The following ABCA1 variants were observed in gnomAD, a reference collection of about 807,000 sequenced individuals.
ABCA1 encodes the protein ATP binding cassette subfamily A member 1.
Under a neutral mutation model 262.5 loss-of-function variants are expected in ABCA1, and 133 were observed. The ratio of observed to expected loss-of-function variants is 0.51; its 90% CI spans 0.44 to 0.59. The LOEUF is 0.59. Among genes scored for constraint, ABCA1 ranks in the 20% least tolerant of loss-of-function variants. ABCA1 has a pLI of 0.00. For missense variants in ABCA1, 2,452 were observed against 2,777.5 expected (o/e 0.88, Z 2.63); for synonymous variants, 1,022 against 1,043.5 (o/e 0.98, Z 0.40).
Position 104,903,715 on chromosome 9 carries a change from G to T in ABCA1, c.-36C>A. 2 of 1,560,438 alleles carry T rather than the reference G, an allele frequency of 1.3e-6. No individual in the cohort carries two copies. Among genetic ancestry groups the T allele is most frequent in the South Asian group, 2.4e-5 (2 of 84,782 alleles). On this transcript the variant is annotated 5_prime_UTR_variant, in exon 2 of 50. Transcript: ENST00000374736. Reference sequence around the variant, plus strand: ...CCAGCACCCCCAGCGTGTGGCTCGGGAGCCCTGGAAGGCAGCGGCCAGAGC... The same window carrying T: ...CCAGCACCCCCAGCGTGTGGCTCGGTAGCCCTGGAAGGCAGCGGCCAGAGC...
At chr9:104,887,549 A>G (rs1839290729) in intron 3 of ABCA1, among the ~76,000 whole-genome samples, 1 of 152,096 alleles carries the variant, frequency 6.6e-6, no homozygotes, top group Non-Finnish European at 1.5e-5. Context: ...CGTCTAGTAG[A>G]TGAAAAAACT....
chr9:104,875,720 C>T (rs1037807014), intron 5 of ABCA1, among the ~76,000 whole-genome samples: 10 of 152,118 alleles, frequency 6.6e-5, no homozygotes, highest in African/African-American at 1.9e-4. Context: ...CAGTTGCAGC[C>T]CTAGTCCTCA....
At chr9:104,800,475 A>T (rs1368048441) in intron 35 of ABCA1, 35 bp downstream of exon 35, 1 of 1,584,760 alleles carries the variant, frequency 6.3e-7, no homozygotes, top group Non-Finnish European at 8.7e-7. Flanking sequence ...ATTATTGTTC[A>T]TCAAAAAGCT....
chr9:104,823,319 T>TACGCAC (rs1212982464), intron 18 of ABCA1, among the ~76,000 whole-genome samples: 1 of 152,070 alleles, frequency 6.6e-6, no homozygotes, highest in Non-Finnish European at 1.5e-5. Context: ...TAGAACTAAA[T>TACGCAC]ACGCACACAC....
At chr9:104,883,521 A>G (rs912019645) in intron 4 of ABCA1, among the ~76,000 whole-genome samples, 2 of 152,254 alleles carry the variant, frequency 1.3e-5, no homozygotes, top group African/African-American at 4.8e-5. Flanking sequence ...TCTTAAGGGC[A>G]TATTAGAATG....
chr9:104,807,055 A>G (rs573303006), intron 30 of ABCA1, among the ~76,000 whole-genome samples: 13 of 152,316 alleles, frequency 8.5e-5, no homozygotes, highest in African/African-American at 3.1e-4. Context: ...ATGCATTTCT[A>G]TTTTTTAGGA....
Position 104,904,543 on chromosome 9 carries a change from C to T in ABCA1, c.-92-772G>A, listed in dbSNP as rs539406978. On this transcript the variant is annotated intron_variant, in intron 1 of 49. Transcript: ENST00000374736. ...ATTGTGCCACTACACTCCAGCATGG[C>T]GACAGAGCGAGACTCTGTCTCAAAA... Among the ~76,000 whole-genome samples, 390 of 142,924 alleles carry T rather than the reference C, an allele frequency of 2.7e-3. 2 individuals carry two copies. The highest frequency in any genetic ancestry group is 0.019 in the South Asian group (84 of 4,484). 93.8% of individuals were successfully genotyped at this position (142,924 alleles called of 152,430 possible).
In ABCA1 at chr9:104,812,731, A is replaced by T. The variant is rs1394040714; in HGVS notation, c.3902-9T>A. On this transcript the variant is annotated splice_polypyrimidine_tract_variant and intron_variant, in intron 27 of 49. Transcript: ENST00000374736. Reference sequence around the variant, plus strand: ...GTCTGTCTCTCTGGATTCTGCAAGAAGCCAACACTGAAGGTCACCTATTAT... The same window carrying T: ...GTCTGTCTCTCTGGATTCTGCAAGATGCCAACACTGAAGGTCACCTATTAT... 7 of 1,614,124 alleles carry T rather than the reference A, an allele frequency of 4.3e-6. No individual in the cohort carries two copies. Among genetic ancestry groups the T allele is most frequent in the Non-Finnish European group, 5.9e-6 (7 of 1,180,050 alleles).
In ABCA1 at chr9:104,862,694, C is replaced by A. The variant is rs866548035; in HGVS notation, c.422-894G>T. On this transcript the variant is annotated intron_variant, in intron 5 of 49. Transcript: ENST00000374736. ...CGGGCCGGGCCGGGCCGGGCCGGGC[C>A]GGGCCGGCCCCCACCCCCACCCCCA... is the stretch of plus-strand genomic sequence containing the variant. Among the ~76,000 whole-genome samples the A allele has an allele frequency of 9.9e-3, 88 of 8,850 alleles. 14 individuals carry two copies. The highest frequency in any genetic ancestry group is 0.039 in the African/African-American group (72 of 1,848). 5.8% of individuals were successfully genotyped at this position (8,850 alleles called of 152,430 possible). A position where few individuals can be genotyped will look rare whatever the true frequency, so the allele number is the denominator to read the frequency against.
chr9:104,790,132 A>G (rs1445563687), intron 44 of ABCA1, among the ~76,000 whole-genome samples: 2 of 151,448 alleles, frequency 1.3e-5, no homozygotes, highest in Non-Finnish European at 2.9e-5. Flanking sequence ...CCACATATTT[A>G]AAGTACTTAG....
chr9:104,791,000 G>C lies in ABCA1; in HGVS notation c.5849C>G (p.Ala1950Gly), dbSNP rs1311792433. ...CATCTTGAAAGTTGATGATTTTCCA[G>C]CCCCATTAACTCCCAGGAGCCCAAA... Reference protein sequence around the residue: ...ECFGLLGVNGAGKSSTFKMLT... With the variant: ...ECFGLLGVNGGGKSSTFKMLT... The change falls in exon 44 of 50, where the codon GCT (alanine) becomes GGT (glycine). Residue 1950 changes from alanine (A) to glycine (G), a missense_variant. Physicochemically the swap from Ala to Gly is moderately conservative, Grantham distance 60 (BLOSUM62 0). Transcript: ENST00000374736. The C allele has an allele frequency of 6.2e-7, 1 of 1,613,762 alleles. No individual in the cohort carries two copies. Among genetic ancestry groups the C allele is most frequent in the Non-Finnish European group, 8.5e-7 (1 of 1,179,834 alleles).
chr9:104,855,841 C>A, intron 7 of ABCA1: 1 of 1,610,570 alleles, frequency 6.2e-7, no homozygotes, highest in Admixed American at 1.7e-5. Flanking sequence ...CACCCAGATT[C>A]TGAAGGAGGC....
intron 4 of ABCA1, 148 bp downstream of exon 4, chr9:104,884,279 C>G: frequency 5.2e-6 from 5 of 954,024 alleles, no homozygotes; most frequent in Non-Finnish European, 8.0e-6. Context: ...CAAAATTCTC[C>G]CTTCCCTCAT....
chr9:104,837,134 G>A (rs1588356057), intron 10 of ABCA1, 38 bp from the exon 11 acceptor site: 1 of 1,204,342 alleles, frequency 8.3e-7, no homozygotes, highest in Non-Finnish European at 1.1e-6. Context: ...GCAGAAAAAG[G>A]AGGAGAAGCA....
chr9:104,793,665 A>G (rs1829621818), intron 40 of ABCA1, among the ~76,000 whole-genome samples: 1 of 152,248 alleles, frequency 6.6e-6, no homozygotes, highest in South Asian at 2.1e-4. Flanking sequence ...TTTTAGTAAT[A>G]ATAAATATCA....
chr9:104,880,820 A>G (rs1838575985), intron 5 of ABCA1, among the ~76,000 whole-genome samples: 2 of 152,110 alleles, frequency 1.3e-5, no homozygotes. Context: ...TTTTAGATAC[A>G]GATTTGGCTT....
chr9:104,818,560 G>C, intron 23 of ABCA1, 103 bp downstream of exon 23: 1 of 1,136,686 alleles, frequency 8.8e-7, no homozygotes, highest in South Asian at 1.2e-5. Flanking sequence ...GGAGATGGTG[G>C]TTTCAACATG....
rs570923490 is a variant in ABCA1 at position 104,891,966 on chromosome 9, TAAAAAAAAAAAAA to T, written c.67-2784_67-2772del. ...GGCGACAGAGCAAGACTCTGTCTCT[TAAAAAAAAAAAAA>T]AAAAAAAAAAAAAAAAAGTGATGTT... On this transcript the variant is annotated intron_variant, in intron 2 of 49. Transcript: ENST00000374736. 7.9e-3 allele frequency among the ~76,000 whole-genome samples: 465 copies of T among 59,232 alleles called. 5 individuals carry two copies. Among genetic ancestry groups the T allele is most frequent in the South Asian group, 0.053 (74 of 1,404 alleles). 38.9% of individuals were successfully genotyped at this position (59,232 alleles called of 152,430 possible).
At chr9:104,865,358 A>G (rs1367285471) in intron 5 of ABCA1, among the ~76,000 whole-genome samples, 1 of 152,028 alleles carries the variant, frequency 6.6e-6, no homozygotes, top group Non-Finnish European at 1.5e-5. Flanking sequence ...TCTACTAAAC[A>G]TATCAAAATT....
Sources: gnomAD v4.1 joint callset for allele counts (sites outside exome capture counted in the v4.1 genomes callset) on GRCh38, gnomAD v4.1.1 for gene constraint, MANE v1.5 for transcripts, NCBI Gene and HGNC (gene_info 2026-07-23, HGNC 2026-07-21) for gene names.